DOCK11: variants seen among roughly 807,000 people sequenced by gnomAD.
The protein encoded by DOCK11 is dedicator of cytokinesis protein 11.
A neutral mutation model predicts 169.1 loss-of-function variants in DOCK11; 70 were observed. The ratio of observed to expected loss-of-function variants is 0.41; its 90% CI spans 0.34 to 0.51. The LOEUF (loss-of-function observed/expected upper bound fraction) is 0.51, where lower values mean the gene tolerates loss of function less well. Among genes scored for constraint, DOCK11 ranks in the 20% least tolerant of loss-of-function variants. The pLI, the probability that DOCK11 is intolerant of heterozygous loss-of-function variation, is 0.10. For synonymous variants in DOCK11, 529 were observed against 541.3 expected (o/e 0.98, Z 0.32); for missense variants, 1,166 against 1,538.8 (o/e 0.76, Z 4.05).
intron 44 of DOCK11, among the ~76,000 whole-genome samples, chrX:118,657,881 G>A (rs985041789): frequency 2.7e-4 from 30 of 109,654 alleles, no homozygotes; most frequent in Non-Finnish European, 4.5e-4. Flanking sequence ...GTACTGCTCG[G>A]GTGACAGGTA....
chrX:118,599,622 C>G (rs1184431336), intron 23 of DOCK11, among the ~76,000 whole-genome samples: 1 of 111,893 alleles, frequency 8.9e-6, no homozygotes, highest in African/African-American at 3.3e-5. Context: ...GTTCTTGTGT[C>G]CATGGGTGAT....
At chrX:118,520,992 C>T (rs151006916) in intron 1 of DOCK11, among the ~76,000 whole-genome samples, 14 of 111,714 alleles carry the variant, frequency 1.3e-4, no homozygotes, top group Non-Finnish European at 1.9e-5. Flanking sequence ...CTTCTGCCCT[C>T]TCCACATCTC....
intron 1 of DOCK11, among the ~76,000 whole-genome samples, chrX:118,534,846 C>T (rs2011695634): frequency 2.7e-5 from 3 of 111,763 alleles, no homozygotes; most frequent in Non-Finnish European, 5.6e-5. Context: ...AGACATGGTC[C>T]CTTGACAATA....
At chrX:118,531,310 C>T (rs1179785654) in intron 1 of DOCK11, among the ~76,000 whole-genome samples, 2 of 101,734 alleles carry the variant, frequency 2.0e-5, no homozygotes, top group African/African-American at 7.2e-5. Flanking sequence ...AAAGAAATAG[C>T]CAGGTATGGT....
intron 1 of DOCK11, among the ~76,000 whole-genome samples, chrX:118,512,832 G>C (rs1342137021): frequency 8.9e-6 from 1 of 111,762 alleles, no homozygotes; most frequent in Non-Finnish European, 1.9e-5. Context: ...AACGCTGCTT[G>C]ACAGGAATGG....
At chrX:118,559,633 C>G (rs938527723) in intron 6 of DOCK11, among the ~76,000 whole-genome samples, 1 of 110,568 alleles carries the variant, frequency 9.0e-6, no homozygotes, top group Non-Finnish European at 1.9e-5. Flanking sequence ...GGCAGGGTGG[C>G]TCACTTTTGG....
chrX:118,642,108 T>C (rs2015548853), intron 39 of DOCK11, among the ~76,000 whole-genome samples: 1 of 111,967 alleles, frequency 8.9e-6, no homozygotes, highest in Non-Finnish European at 1.9e-5. Flanking sequence ...TATGAAGTAT[T>C]AGGTTTGTTC....
At position 118,648,808 on chromosome X, in the gene DOCK11, C is replaced by T. The variant is rs781499345; in HGVS notation, c.4399-137C>T. The T allele has an allele frequency of 7.7e-5, 36 of 470,562 alleles. No individual in the cohort carries two copies. In the African/African-American group the frequency reaches 8.6e-4, roughly 11 times the overall value. The allele number at this position is 470,562 out of a possible 1,213,427, so 38.8% of individuals were successfully genotyped here. A position where few individuals can be genotyped will look rare whatever the true frequency, so the allele number is the denominator to read the frequency against. On this transcript the variant is annotated intron_variant, in intron 40 of 52. Transcript: ENST00000276202. ...TAACTAGTTCAGGCTCTCTGGAGAG[C>T]AGAGCCTGCCTTATGTTGATTTTGT...
chrX:118,515,380 T>C (rs1393160307), intron 1 of DOCK11, among the ~76,000 whole-genome samples: 1 of 111,293 alleles, frequency 9.0e-6, no homozygotes, highest in African/African-American at 3.3e-5. Flanking sequence ...ATTACAGGCA[T>C]GCACCACCAT....
At chrX:118,566,353 A>G (rs759780002) in intron 8 of DOCK11, among the ~76,000 whole-genome samples, 171 bp downstream of exon 8, 1 of 112,226 alleles carries the variant, frequency 8.9e-6, no homozygotes, top group Non-Finnish European at 1.9e-5. Flanking sequence ...TTGATGCTGC[A>G]TGGGCTCTGA....
At chrX:118,571,539 A>G (rs1460421363) in intron 10 of DOCK11, among the ~76,000 whole-genome samples, 3 of 110,282 alleles carry the variant, frequency 2.7e-5, no homozygotes, top group Non-Finnish European at 5.7e-5. Context: ...TATAGAGACA[A>G]GGGTCTCACT....
rs2016842557 is a variant in DOCK11, at chrX:118,685,686, A to C, written c.6103-2A>C. On this transcript the variant is annotated splice_acceptor_variant, in intron 52 of 52. Transcript: ENST00000276202. LOFTEE classifies it high-confidence loss of function. ...TAATCATGCTGATTTCTTCTGTTTT[A>C]GATATTACAAGAAGACACAATGCAT... 3 of 1,206,207 alleles carry C rather than the reference A, an allele frequency of 2.5e-6. No individual in the cohort carries two copies. Among genetic ancestry groups the C allele is most frequent in the Non-Finnish European group, 3.4e-6 (3 of 893,377 alleles).
intron 32 of DOCK11, among the ~76,000 whole-genome samples, chrX:118,625,922 A>G (rs1015894815): frequency 9.0e-6 from 1 of 111,318 alleles, no homozygotes; most frequent in Admixed American, 9.6e-5. Context: ...AAGGTTTTCT[A>G]TCCACTGGTC....
chrX:118,545,271 C>T (rs866529893), intron 4 of DOCK11, 52 bp from the exon 5 acceptor site: 6 of 732,010 alleles, frequency 8.2e-6, no homozygotes, highest in East Asian at 4.1e-5. Flanking sequence ...TGTTGTTTTT[C>T]TTTTTTTTTT....
rs1157804079 is a variant in DOCK11, at chrX:118,544,645, C to CTT, written c.393-647_393-646dup. On this transcript the variant is annotated intron_variant, in intron 4 of 52. Coordinates refer to ENST00000276202, the MANE Select transcript of DOCK11 (RefSeq NM_144658.4). ...TGCAAGAGCCAGAATTACACTGTTG[C>CTT]TTTTTTTTTTTTTTTTTTTTTTTTT... is the stretch of plus-strand genomic sequence containing the variant. Among the ~76,000 whole-genome samples the CTT allele has an allele frequency of 4.7e-3, 109 of 23,362 alleles. 25 individuals carry two copies. The highest frequency in any genetic ancestry group is 0.011 in the African/African-American group (61 of 5,543). 20.3% of individuals were successfully genotyped at this position (23,362 alleles called of 115,157 possible).
At chrX:118,590,337 A>G (rs1330684465) in intron 19 of DOCK11, 35 bp downstream of exon 19, 2 of 1,044,461 alleles carry the variant, frequency 1.9e-6, no homozygotes. Context: ...TCTAAAACAC[A>G]GTGGTTGGAA....
chrX:118,619,887 G>A (rs1473296452), intron 31 of DOCK11, among the ~76,000 whole-genome samples: 3 of 107,080 alleles, frequency 2.8e-5, no homozygotes, highest in Non-Finnish European at 5.8e-5. Context: ...GTGCGATCTC[G>A]GCTCACTGCA....
rs1191968312 is a variant in DOCK11 at position 118,516,004 on chromosome X, AAT to A, written c.102+19945_102+19946del. Among the ~76,000 whole-genome samples the A allele has an allele frequency of 2.4e-3, 108 of 44,944 alleles. 12 individuals are homozygous for A. The highest frequency in any genetic ancestry group is 0.011 in the African/African-American group (92 of 8,529). The allele number at this position is 44,944 out of a possible 115,157, so 39.0% of individuals were successfully genotyped here. A position where few individuals can be genotyped will look rare whatever the true frequency, so the allele number is the denominator to read the frequency against. On this transcript the variant is annotated intron_variant, in intron 1 of 52. Coordinates refer to ENST00000276202, the MANE Select transcript of DOCK11 (RefSeq NM_144658.4). Reference sequence around the variant, plus strand: ...ATGTTCAAAAGTAAGGATTTGGGCAAATATATATATATATACATTCTTACACC... The same window carrying A: ...ATGTTCAAAAGTAAGGATTTGGGCAAATATATATATATACATTCTTACACC...
rs771993265 is a variant in DOCK11 at position 118,647,973 on chromosome X, T to TA, written c.4399-971dup. ...TATAATAATATATAATATATAATTA[T>TA]ATATAATATATAATAATATATAATA... On this transcript the variant is annotated intron_variant, in intron 40 of 52. Transcript: ENST00000276202. 7.2e-3 allele frequency among the ~76,000 whole-genome samples: 275 copies of TA among 37,936 alleles called. 7 individuals carry two copies. The highest frequency in any genetic ancestry group is 0.034 in the Middle Eastern group (1 of 29). 32.9% of individuals were successfully genotyped at this position (37,936 alleles called of 115,157 possible).
Sources: gnomAD v4.1 joint callset for allele counts (sites outside exome capture counted in the v4.1 genomes callset) on GRCh38, gnomAD v4.1.1 for gene constraint, MANE v1.5 for transcripts, NCBI Gene and HGNC (gene_info 2026-07-23, HGNC 2026-07-21) for gene names.